DPY19L3: variants seen among roughly 807,000 people sequenced by gnomAD.
DPY19L3 encodes protein C-mannosyl-transferase DPY19L3.
In DPY19L3, 51 loss-of-function variants were observed where a neutral mutation model predicts 92.3. That is an observed-to-expected ratio of 0.55 (90% CI 0.44 to 0.70). The LOEUF (loss-of-function observed/expected upper bound fraction) is 0.70. DPY19L3 is among the 30% of genes least tolerant of loss of function. DPY19L3 has a pLI of 0.00. For synonymous variants in DPY19L3, 309 were observed against 315.2 expected (o/e 0.98, Z 0.21); for missense variants, 706 against 855.9 (o/e 0.82, Z 2.18).
intron 13 of DPY19L3, 121 bp from the exon 14 acceptor site, chr19:32,463,748 C>A: frequency 2.2e-6 from 2 of 929,876 alleles, no homozygotes; most frequent in African/African-American, 1.6e-5. Flanking sequence ...CAAATGGCAT[C>A]TGCATAGTTT....
Position 32,439,767 on chromosome 19 carries a change from T to C in DPY19L3, c.721-9T>C. 1 of 1,610,252 alleles carries C rather than the reference T, an allele frequency of 6.2e-7. No individual in the cohort carries two copies. The highest frequency in any genetic ancestry group is 1.3e-5 in the African/African-American group (1 of 74,658). On this transcript the variant is annotated splice_polypyrimidine_tract_variant and intron_variant, in intron 7 of 18. Coordinates refer to ENST00000392250, the MANE Select transcript of DPY19L3 (RefSeq NM_001172774.2). The stretch of plus-strand genomic sequence containing the variant: ...ACATGTAAATTATACAAAGGTTTTC[T>C]TTTTACAGAGGCTGACACTTCTTGC...
At chr19:32,472,008 C>T (rs1185067677) in intron 16 of DPY19L3, among the ~76,000 whole-genome samples, 3 of 149,956 alleles carry the variant, frequency 2.0e-5, no homozygotes, top group African/African-American at 7.4e-5. Flanking sequence ...ATGCAGGTGG[C>T]GCTCCACTGC....
chr19:32,472,136 A>G (rs1271549335), intron 16 of DPY19L3, among the ~76,000 whole-genome samples: 2 of 152,200 alleles, frequency 1.3e-5, no homozygotes, highest in Non-Finnish European at 2.9e-5. Flanking sequence ...TAGCAAGTTC[A>G]GTGGGAAAGT....
intron 17 of DPY19L3, 113 bp downstream of exon 17, chr19:32,477,767 G>A: frequency 7.2e-7 from 1 of 1,396,612 alleles, no homozygotes; most frequent in Non-Finnish European, 9.7e-7. Context: ...TAGGTTAGGA[G>A]GATGAATTAG....
chr19:32,440,198 A>G (rs1599627834), intron 8 of DPY19L3, among the ~76,000 whole-genome samples: 2 of 152,388 alleles, frequency 1.3e-5, no homozygotes, highest in South Asian at 2.1e-4. Flanking sequence ...TTAAAATATA[A>G]GATAGCTCTT....
intron 8 of DPY19L3, among the ~76,000 whole-genome samples, chr19:32,443,539 A>T (rs1969388920): frequency 6.6e-6 from 1 of 152,120 alleles, no homozygotes; most frequent in Non-Finnish European, 1.5e-5. Context: ...TGAACCAGGA[A>T]ATAAGCCCTC....
rs955414684 is a variant in DPY19L3 at position 32,436,561 on chromosome 19, C to T, written c.444C>T (p.Pro148=). Residue 148 remains proline, a synonymous_variant, in exon 5 of 19, where the codon CCC becomes CCT. Transcript: ENST00000392250. The part of the protein sequence containing the change: ...VFLSILYRVL[P]IQKYLEPVYF... The stretch of plus-strand genomic sequence containing the variant: ...TCAGTATTTTATATAGAGTTCTACC[C>T]ATACAGGTATGTTTTGTGATATTGA... The T allele has an allele frequency of 6.6e-7, 1 of 1,516,574 alleles. No individual in the cohort carries two copies. Among genetic ancestry groups the T allele is most frequent in the Non-Finnish European group, 8.9e-7 (1 of 1,126,552 alleles). The allele number at this position is 1,516,574 out of a possible 1,614,324, so 93.9% of individuals were successfully genotyped here.
At position 32,484,430 on chromosome 19, in the gene DPY19L3, A is replaced by T. The variant is rs1287190759; in HGVS notation, c.*2190A>T. 6.6e-6 allele frequency: 1 copy of T among 152,242 alleles called. No individual in the cohort carries two copies. The allele number at this position is 152,242 out of a possible 1,614,324, so 9.4% of individuals were successfully genotyped here. A position where few individuals can be genotyped will look rare whatever the true frequency, so the allele number is the denominator to read the frequency against. On this transcript the variant is annotated 3_prime_UTR_variant, in exon 19 of 19. Coordinates refer to ENST00000392250, the MANE Select transcript of DPY19L3 (RefSeq NM_001172774.2). ...GGCTTACAGCCTCTCTACCAGGCCGAAGCAAGAGACCCGCGGCAGCAGCTC... is the reference window on the plus strand; with the variant it reads ...GGCTTACAGCCTCTCTACCAGGCCGTAGCAAGAGACCCGCGGCAGCAGCTC...
chr19:32,439,219 T>TA lies in DPY19L3; in HGVS notation c.705dup (p.Gln236ThrfsTer5). The TA allele has an allele frequency of 6.2e-6, 10 of 1,612,956 alleles. No homozygotes were observed. The highest frequency in any genetic ancestry group is 1.3e-5 in the African/African-American group (1 of 75,012). On this transcript the variant is annotated frameshift_variant, in exon 7 of 19. Coordinates refer to ENST00000392250, the MANE Select transcript of DPY19L3 (RefSeq NM_001172774.2). LOFTEE classifies it high-confidence loss of function. The stretch of plus-strand genomic sequence containing the variant: ...ATTACATATTTCCTGAGACCAAACT[T>TA]ACAGCCTCTTTCTGAAGTAAGTGTT...
chr19:32,475,216 G>T (rs894390275), intron 16 of DPY19L3, among the ~76,000 whole-genome samples: 1 of 152,212 alleles, frequency 6.6e-6, no homozygotes, highest in Non-Finnish European at 1.5e-5. Context: ...ATTCAAAACG[G>T]TGATGGTGAG....
At chr19:32,420,322 A>G (rs996661749) in intron 3 of DPY19L3, among the ~76,000 whole-genome samples, 5 of 152,152 alleles carry the variant, frequency 3.3e-5, no homozygotes, top group African/African-American at 9.7e-5. Flanking sequence ...AAGAATCTGG[A>G]TGGGAACTAG....
chr19:32,421,643 A>AG (rs1968573245), intron 3 of DPY19L3, among the ~76,000 whole-genome samples: 1 of 140,852 alleles, frequency 7.1e-6, no homozygotes, highest in African/African-American at 2.6e-5. Flanking sequence ...AAAAAAAAAA[A>AG]AAAGAGAGAG....
intron 18 of DPY19L3, 47 bp downstream of exon 18, chr19:32,480,604 G>C (rs976509835): frequency 2.6e-6 from 4 of 1,566,524 alleles, no homozygotes; most frequent in Non-Finnish European, 3.5e-6. Flanking sequence ...GGAGGGGCGG[G>C]ACTCTGATTT....
chr19:32,453,156 G>A lies in DPY19L3; in HGVS notation c.867G>A (p.Leu289=). 6.2e-7 allele frequency: 1 copy of A among 1,613,834 alleles called. No homozygotes were observed. Among genetic ancestry groups the A allele is most frequent in the Non-Finnish European group, 8.5e-7 (1 of 1,179,938 alleles). The change falls in exon 9 of 19, where the codon CTG becomes CTA. Residue 289 remains leucine, a synonymous_variant. Coordinates refer to ENST00000392250, the MANE Select transcript of DPY19L3 (RefSeq NM_001172774.2). ...TTTGGTTCTTGCAGGCGACATGGCT[G>A]TATGGAATACAGATAACAAGTTTAC... is the stretch of plus-strand genomic sequence containing the variant. ...DMLPAVKATW[L]YGIQITSLLL... is the part of the protein sequence containing the mutation.
chr19:32,473,226 G>A (rs1403746858), intron 16 of DPY19L3, among the ~76,000 whole-genome samples: 1 of 152,162 alleles, frequency 6.6e-6, no homozygotes, highest in African/African-American at 2.4e-5. Flanking sequence ...TCATTATTTA[G>A]TGACATTTCT....
chr19:32,419,147 T>A (rs2145423180), intron 3 of DPY19L3, among the ~76,000 whole-genome samples: 1 of 152,120 alleles, frequency 6.6e-6, no homozygotes, highest in South Asian at 2.1e-4. Flanking sequence ...TTAATACATA[T>A]TGTATTTATT....
Position 32,410,949 on chromosome 19 carries a change from G to A in DPY19L3, c.104-290G>A, listed in dbSNP as rs117425823. The stretch of plus-strand genomic sequence containing the variant: ...ATAGTTAAATTACGGTTGTTAAACT[G>A]TGCCGGACAGAGGCCCTCAGTATTA... On this transcript the variant is annotated intron_variant, in intron 2 of 18. Transcript: ENST00000392250. Among the ~76,000 whole-genome samples the A allele has an allele frequency of 2.9e-3, 446 of 152,278 alleles. 8 individuals are homozygous for A. Among genetic ancestry groups the A allele is most frequent in the Admixed American group, 0.018 (270 of 15,294 alleles).
At chr19:32,435,243 C>T (rs1377358250) in intron 4 of DPY19L3, among the ~76,000 whole-genome samples, 1 of 152,224 alleles carries the variant, frequency 6.6e-6, no homozygotes, top group Admixed American at 6.5e-5. Flanking sequence ...ACCCATGTGA[C>T]CTCACTTACC....
intron 3 of DPY19L3, among the ~76,000 whole-genome samples, chr19:32,431,718 A>G (rs1331830767): frequency 1.3e-5 from 2 of 152,234 alleles, no homozygotes; most frequent in African/African-American, 4.8e-5. Flanking sequence ...TTCATAAAAC[A>G]AAGTTTGTAG....
Sources: gnomAD v4.1 joint callset for allele counts (sites outside exome capture counted in the v4.1 genomes callset) on GRCh38, gnomAD v4.1.1 for gene constraint, MANE v1.5 for transcripts, NCBI Gene and HGNC (gene_info 2026-07-23, HGNC 2026-07-21) for gene names.